Variants in RGS5 observed in about 807,000 individuals in gnomAD.
The protein encoded by RGS5 is regulator of G protein signaling 5.
A neutral mutation model predicts 18.9 loss-of-function variants in RGS5; 20 were observed. The ratio of observed to expected loss-of-function variants is 1.06; its 90% CI spans 0.74 to 1.54. The LOEUF (loss-of-function observed/expected upper bound fraction) is 1.54. Among genes scored for constraint, RGS5 ranks in the 40% most tolerant of loss-of-function variants. RGS5 has a pLI of 0.00. For synonymous variants in RGS5, 57 were observed against 76.2 expected, an observed-to-expected ratio of 0.75 and a Z score of 1.31; for missense variants, 201 against 211.8, an observed-to-expected ratio of 0.95 and a Z score of 0.32.
chr1:163,207,035 T>G (rs1396469787), upstream of RGS5, among the ~76,000 whole-genome samples: 1 of 152,202 alleles, frequency 6.6e-6, no homozygotes, highest in Non-Finnish European at 1.5e-5. Context: ...AATCACTTTT[T>G]AAAACACTTC....
chr1:163,205,225 C>G (rs1659916308), upstream of RGS5, among the ~76,000 whole-genome samples: 1 of 150,656 alleles, frequency 6.6e-6, no homozygotes, highest in African/African-American at 2.4e-5. Flanking sequence ...TTCAGTTATG[C>G]AAAATGAAAA....
chr1:163,264,408 T>C (rs1648526434), intron 2 of RGS5, among the ~76,000 whole-genome samples: 6 of 152,158 alleles, frequency 3.9e-5, no homozygotes, highest in Admixed American at 3.9e-4. Flanking sequence ...TTAAGTGAAA[T>C]CATATCTGTG....
intron 2 of RGS5, among the ~76,000 whole-genome samples, chr1:163,239,787 C>G (rs1293511102): frequency 6.6e-6 from 1 of 151,798 alleles, no homozygotes; most frequent in African/African-American, 2.4e-5. Flanking sequence ...CTGAGAAAAG[C>G]ATAATTGGCT....
At chr1:163,174,183 T>C (rs1220708290) in intron 1 of RGS5, among the ~76,000 whole-genome samples, 1 of 152,178 alleles carries the variant, frequency 6.6e-6, no homozygotes, top group Non-Finnish European at 1.5e-5. Context: ...GCTCCTAATA[T>C]ATCCTCAGAG....
intron 1 of RGS5, among the ~76,000 whole-genome samples, chr1:163,182,707 G>C (rs1658905540): frequency 6.6e-6 from 1 of 152,182 alleles, no homozygotes; most frequent in African/African-American, 2.4e-5. Context: ...ATTGTCCTCA[G>C]GTCAAGGAAG....
intron 2 of RGS5, among the ~76,000 whole-genome samples, chr1:163,262,972 T>C (rs886219213): frequency 4.6e-5 from 7 of 152,168 alleles, no homozygotes; most frequent in Non-Finnish European, 7.3e-5. Flanking sequence ...ATTAATTTCA[T>C]AAACTGATAG....
intron 1 of RGS5, among the ~76,000 whole-genome samples, chr1:163,183,028 A>G: frequency 6.6e-6 from 1 of 152,230 alleles, no homozygotes; most frequent in East Asian, 1.9e-4. Flanking sequence ...ACATCACTTA[A>G]TAAAACTACA....
chr1:163,199,687 A>T (rs561262237), intron 1 of RGS5, among the ~76,000 whole-genome samples: 18 of 152,294 alleles, frequency 1.2e-4, no homozygotes, highest in African/African-American at 4.3e-4. Context: ...TCAGCATTAG[A>T]ATCACTGAGC....
At chr1:163,249,189 T>C (rs1337437198) in intron 2 of RGS5, among the ~76,000 whole-genome samples, 1 of 152,156 alleles carries the variant, frequency 6.6e-6, no homozygotes, top group Non-Finnish European at 1.5e-5. Context: ...AAACTGGAAG[T>C]ATTCACTTCA....
upstream of RGS5, among the ~76,000 whole-genome samples, chr1:163,219,910 C>A (rs1203213365): frequency 2.0e-5 from 3 of 151,988 alleles, no homozygotes; most frequent in African/African-American, 7.2e-5. Flanking sequence ...CATATGGACT[C>A]ATTTCTGTTG....
intron 2 of RGS5, among the ~76,000 whole-genome samples, chr1:163,275,692 C>T (rs1185875200): frequency 1.3e-5 from 2 of 152,016 alleles, no homozygotes; most frequent in African/African-American, 2.4e-5. Flanking sequence ...TTTATAATTG[C>T]TTTTTCAGGA....
rs150796534 is a variant in RGS5 at position 163,152,565 on chromosome 1, C to A, written c.369G>T (p.Thr123=). The change falls in exon 4 of 5, where the codon ACG becomes ACT. Residue 123 remains threonine (T), a synonymous_variant. Transcript: ENST00000313961. ...AGAGACCAACCTCTTTAGGAGCCTC[C>A]GTTTGAATGAATTCTTCATAAATTT... The part of the protein sequence containing the change: ...AKQIYEEFIQ[T]EAPKEVNIDH... The A allele has an allele frequency of 2.5e-6, 4 of 1,612,144 alleles. No individual in the cohort carries two copies. In the South Asian group the frequency reaches 4.4e-5, roughly 18 times the overall value.
At chr1:163,193,734 C>T (rs144103535) in intron 1 of RGS5, among the ~76,000 whole-genome samples, 5 of 152,252 alleles carry the variant, frequency 3.3e-5, no homozygotes, top group Admixed American at 1.3e-4. Flanking sequence ...ATTGTCAGTA[C>T]TCCATGATCT....
chr1:163,295,515 A>G (rs1013556355), intron 2 of RGS5, among the ~76,000 whole-genome samples: 1 of 152,208 alleles, frequency 6.6e-6, no homozygotes, highest in African/African-American at 2.4e-5. Flanking sequence ...TATATTCCTC[A>G]TTTAACAAGG....
intron 2 of RGS5, among the ~76,000 whole-genome samples, chr1:163,256,247 A>G (rs1451244173): frequency 2.0e-5 from 3 of 152,072 alleles, no homozygotes; most frequent in Non-Finnish European, 4.4e-5. Flanking sequence ...TAAGCTGATA[A>G]GCAACTTCAG....
At chr1:163,277,379 A>C (rs902666685) in intron 2 of RGS5, among the ~76,000 whole-genome samples, 5 of 152,200 alleles carry the variant, frequency 3.3e-5, no homozygotes, top group Admixed American at 2.6e-4. Flanking sequence ...TCACAAGTGC[A>C]TCCTTAACCT....
At chr1:163,313,127 C>CA (rs1434160629) in intron 1 of RGS5, among the ~76,000 whole-genome samples, 8 of 152,202 alleles carry the variant, frequency 5.3e-5, no homozygotes, top group African/African-American at 1.9e-4. Context: ...AGTTCAATAT[C>CA]AATTGGGGTA....
chr1:163,248,929 C>T (rs533072447), intron 2 of RGS5, among the ~76,000 whole-genome samples: 1 of 152,286 alleles, frequency 6.6e-6, no homozygotes, highest in East Asian at 1.9e-4. Flanking sequence ...AATAGCCCAC[C>T]TCAACCAAGT....
At position 163,143,513 on chromosome 1, in the gene RGS5, A is replaced by C. The variant is rs1657005594; in HGVS notation, c.*3829T>G. ...TACATCTAGCTGCATTGCAAGTCAG[A>C]AAATACCTTCCTGCAAATATGGAAG... On this transcript the variant is annotated 3_prime_UTR_variant, in exon 5 of 5. Transcript: ENST00000313961. The C allele has an allele frequency of 6.6e-6, 1 of 152,194 alleles. No individual in the cohort carries two copies. Among genetic ancestry groups the C allele is most frequent in the East Asian group, 1.9e-4 (1 of 5,186 alleles). The allele number at this position is 152,194 out of a possible 1,614,324, so 9.4% of individuals were successfully genotyped here.
Sources: allele counts gnomAD v4.1 joint callset (sites outside exome capture counted in the v4.1 genomes callset), GRCh38; gene constraint gnomAD v4.1.1; transcripts MANE v1.5; gene names NCBI Gene and HGNC (gene_info 2026-07-23, HGNC 2026-07-21).